Variants in HDAC9 observed in about 807,000 individuals in gnomAD.
The protein encoded by HDAC9 is histone deacetylase 9, also known as MEF-2 interacting transcription repressor (MITR) protein.
In HDAC9, 41 loss-of-function variants were observed where a neutral mutation model predicts 139.4. That is an observed-to-expected ratio of 0.29 (90% confidence interval 0.23 to 0.38). The LOEUF is 0.38. Ranked by LOEUF, HDAC9 falls within the 10% of genes least tolerant of loss-of-function variation. HDAC9 has a pLI of 1.00. For synonymous variants in HDAC9, 517 were observed against 476.2 expected (o/e 1.09, Z -1.12); for missense variants, 1,147 against 1,297.0 (o/e 0.88, Z 1.78).
At chr7:18,923,750 C>A (rs980417803) in intron 22 of HDAC9, among the ~76,000 whole-genome samples, 6 of 152,058 alleles carry the variant, frequency 3.9e-5, no homozygotes, top group Non-Finnish European at 8.8e-5. Context: ...TGAAAGACCT[C>A]TGGCATAATA....
chr7:18,642,127 G>C (rs1034572416), intron 8 of HDAC9, among the ~76,000 whole-genome samples: 2 of 152,084 alleles, frequency 1.3e-5, no homozygotes, highest in African/African-American at 4.8e-5. Context: ...CGACATACCA[G>C]TTAAGAGTCT....
At chr7:18,990,586 C>A (rs925211470) in intron 25 of HDAC9, among the ~76,000 whole-genome samples, 9 of 152,242 alleles carry the variant, frequency 5.9e-5, no homozygotes, top group Non-Finnish European at 1.2e-4. Context: ...CCAGTTTGAG[C>A]TTCCAGGCTG....
intron 2 of HDAC9, among the ~76,000 whole-genome samples, chr7:18,269,246 A>G (rs1209688617): frequency 6.6e-6 from 1 of 152,136 alleles, no homozygotes; most frequent in African/African-American, 2.4e-5. Context: ...AAAACTCTAA[A>G]CTTTGAAAAA....
At chr7:18,219,201 T>C (rs1792516464) in intron 2 of HDAC9, among the ~76,000 whole-genome samples, 1 of 152,184 alleles carries the variant, frequency 6.6e-6, no homozygotes, top group African/African-American at 2.4e-5. Flanking sequence ...GTATTTTTCT[T>C]CTTGATTTTT....
In HDAC9 at chr7:18,998,196, ATC is replaced by A. The variant is rs377736821; in HGVS notation, c.*2138_*2139del. On this transcript the variant is annotated 3_prime_UTR_variant, in exon 26 of 26. Coordinates refer to ENST00000686413, the MANE Select transcript of HDAC9 (RefSeq NM_178425.4). The stretch of plus-strand genomic sequence containing the variant: ...TTTAAAATCAACTTCATAATTATAA[ATC>A]TCTGTCATTACTTTTTAGTCCTCCC... 3.4e-3 allele frequency: 516 copies of A among 150,578 alleles called. 7 individuals carry two copies. Among genetic ancestry groups the A allele is most frequent in the African/African-American group, 0.012 (489 of 40,600 alleles). 9.3% of individuals were successfully genotyped at this position (150,578 alleles called of 1,614,324 possible). A position where few individuals can be genotyped will look rare whatever the true frequency, so the allele number is the denominator to read the frequency against.
At chr7:18,747,482 C>T (rs997644321) in intron 13 of HDAC9, among the ~76,000 whole-genome samples, 3 of 152,134 alleles carry the variant, frequency 2.0e-5, no homozygotes, top group Non-Finnish European at 4.4e-5. Context: ...CTCGTATGAA[C>T]AATGGCAGAT....
chr7:18,180,201 T>G (rs762598924), intron 2 of HDAC9, among the ~76,000 whole-genome samples: 41 of 149,742 alleles, frequency 2.7e-4, no homozygotes, highest in Non-Finnish European at 5.9e-4. Context: ...CCAGCATTTC[T>G]TGTGAGCACC....
chr7:18,322,176 G>C (rs1397194307), intron 1 of HDAC9, among the ~76,000 whole-genome samples: 1 of 152,102 alleles, frequency 6.6e-6, no homozygotes, highest in African/African-American at 2.4e-5. Flanking sequence ...ATTAAACACT[G>C]TTCATCTGTA....
At chr7:18,702,956 A>G (rs1783620463) in intron 12 of HDAC9, among the ~76,000 whole-genome samples, 1 of 152,236 alleles carries the variant, frequency 6.6e-6, no homozygotes, top group Non-Finnish European at 1.5e-5. Context: ...TTCCATTTGA[A>G]TGACAATTGT....
intron 2 of HDAC9, among the ~76,000 whole-genome samples, chr7:18,583,334 A>C (rs1037321863): frequency 1.3e-5 from 2 of 152,192 alleles, no homozygotes; most frequent in African/African-American, 2.4e-5. Context: ...TACACACATG[A>C]AAGAGTCAAA....
chr7:18,607,432 C>T (rs1285951491), intron 6 of HDAC9, among the ~76,000 whole-genome samples: 2 of 152,188 alleles, frequency 1.3e-5, no homozygotes, highest in African/African-American at 4.8e-5. Flanking sequence ...CTCTGAGCCT[C>T]AGTTTCTTCA....
At chr7:18,700,105 G>A (rs1783351825) in intron 12 of HDAC9, among the ~76,000 whole-genome samples, 1 of 152,012 alleles carries the variant, frequency 6.6e-6, no homozygotes, top group Non-Finnish European at 1.5e-5. Context: ...TCCTGGCATT[G>A]GAAGCTACAA....
At chr7:18,496,767 T>G (rs1286188600) in intron 2 of HDAC9, 1 of 155,150 alleles carries the variant, frequency 6.4e-6, no homozygotes, top group African/African-American at 2.4e-5. Flanking sequence ...AGCACATCTA[T>G]TTATAGACCT....
chr7:18,811,143 A>G (rs182534198), intron 17 of HDAC9, among the ~76,000 whole-genome samples: 74 of 151,736 alleles, frequency 4.9e-4, no homozygotes, highest in African/African-American at 1.4e-3. Flanking sequence ...CCTACATTTT[A>G]TTTGCCTTAT....
chr7:18,507,706 G>T (rs747294520), intron 2 of HDAC9, among the ~76,000 whole-genome samples: 2 of 152,008 alleles, frequency 1.3e-5, no homozygotes, highest in East Asian at 3.9e-4. Context: ...GGTCAGGCTG[G>T]TCTCGATCTC....
chr7:18,243,087 T>C (rs1794296287), intron 2 of HDAC9, among the ~76,000 whole-genome samples: 1 of 152,248 alleles, frequency 6.6e-6, no homozygotes, highest in African/African-American at 2.4e-5. Context: ...CAGTTTTCCT[T>C]CTTTCTTTTT....
At chr7:18,303,994 T>C (rs1798747241) in intron 1 of HDAC9, among the ~76,000 whole-genome samples, 1 of 152,204 alleles carries the variant, frequency 6.6e-6, no homozygotes, top group African/African-American at 2.4e-5. Flanking sequence ...ACTGTATTAA[T>C]TGGTTTCTTT....
chr7:18,985,355 T>A (rs1306845978), intron 25 of HDAC9, among the ~76,000 whole-genome samples: 1 of 152,190 alleles, frequency 6.6e-6, no homozygotes, highest in Non-Finnish European at 1.5e-5. Context: ...TTACTGAGAA[T>A]GATGTTTTCC....
chr7:18,821,978 G>C (rs1479541795), intron 17 of HDAC9, among the ~76,000 whole-genome samples: 2 of 152,186 alleles, frequency 1.3e-5, no homozygotes, highest in African/African-American at 4.8e-5. Context: ...GAGGTATGGA[G>C]GAGGGGCACA....
Sources: allele counts gnomAD v4.1 joint callset (sites outside exome capture counted in the v4.1 genomes callset), GRCh38; gene constraint gnomAD v4.1.1; transcripts MANE v1.5; gene names NCBI Gene and HGNC (gene_info 2026-07-23, HGNC 2026-07-21).